ACSBG2: variants seen among roughly 807,000 people sequenced by gnomAD.
The protein encoded by ACSBG2 is acyl-CoA synthetase bubblegum family member 2, also known as long-chain-fatty-acid--CoA ligase ACSBG2.
In ACSBG2, 62 loss-of-function variants were observed where a neutral mutation model predicts 74.7. The observed-to-expected ratio is 0.83, with a 90% CI of 0.68 to 1.03. ACSBG2 has a LOEUF of 1.03. Among genes scored for constraint, ACSBG2 ranks in the 50% least tolerant of loss-of-function variants. The pLI, the probability that ACSBG2 is intolerant of heterozygous loss-of-function variation, is 0.00. For missense variants in ACSBG2, 730 were observed against 817.6 expected (o/e 0.89, Z 1.31); for synonymous variants, 309 against 294.1 (o/e 1.05, Z -0.52).
chr19:6,163,120 CAAA>C (rs1387534144), intron 6 of ACSBG2, among the ~76,000 whole-genome samples: 2 of 105,698 alleles, frequency 1.9e-5, no homozygotes, highest in East Asian at 2.5e-4. Context: ...ACTAAAAATA[CAAA>C]TAATAATAAT....
At chr19:6,158,400 A>G (rs1260485704) in intron 5 of ACSBG2, among the ~76,000 whole-genome samples, 1 of 145,610 alleles carries the variant, frequency 6.9e-6, no homozygotes, top group Non-Finnish European at 1.5e-5. Context: ...TTATCCAGTG[A>G]GTTTTATTTG....
rs773619641 is a variant in ACSBG2 at position 6,182,828 on chromosome 19, T to C, written c.984T>C (p.His328=). 3.1e-6 allele frequency: 5 copies of C among 1,614,006 alleles called. No individual in the cohort carries two copies. The highest frequency in any genetic ancestry group is 4.2e-6 in the Non-Finnish European group (5 of 1,180,034). ...TGCCTCAAATTTGGGAGAAGATACA[T>C]GAGATGGTGAAGAAAAATAGTGCCA... ...IGVPQIWEKI[H]EMVKKNSAKS... The change falls in exon 9 of 15, where the codon CAT becomes CAC. Residue 328 remains histidine (H), a synonymous_variant. Coordinates refer to ENST00000588485, the MANE Select transcript of ACSBG2 (RefSeq NM_030924.5).
At chr19:6,141,667 C>G in intron 2 of ACSBG2, 57 bp downstream of exon 2, 3 of 1,165,382 alleles carry the variant, frequency 2.6e-6, no homozygotes, top group Non-Finnish European at 3.9e-6. Context: ...TCCACAAAGG[C>G]TCTTTGCAGA....
intron 6 of ACSBG2, among the ~76,000 whole-genome samples, chr19:6,162,433 G>C (rs1328309046): frequency 1.3e-5 from 2 of 151,390 alleles, no homozygotes; most frequent in Non-Finnish European, 1.5e-5. Context: ...CAGGCGTGGT[G>C]GTGGGCGCCT....
Position 6,180,359 on chromosome 19 carries a change from T to C in ACSBG2, c.907-2392T>C, listed in dbSNP as rs77389665. ...ACGTGCTTCTAGAAGGTTCTTTCTC[T>C]TGTTCTTTGCAGGGCTGACTCTTCT... On this transcript the variant is annotated intron_variant, in intron 8 of 14. Coordinates refer to ENST00000588485, the MANE Select transcript of ACSBG2 (RefSeq NM_030924.5). This position sits in a 1 kb window ranked among gnomAD's most constrained non-coding sequence, Gnocchi z 4.3. Among the ~76,000 whole-genome samples, 725 of 152,316 alleles carry C rather than the reference T, an allele frequency of 4.8e-3. 3 individuals carry two copies. The highest frequency in any genetic ancestry group is 0.016 in the African/African-American group (674 of 41,566).
intron 6 of ACSBG2, among the ~76,000 whole-genome samples, chr19:6,164,876 G>C (rs1481405690): frequency 6.6e-6 from 1 of 152,200 alleles, no homozygotes; most frequent in East Asian, 1.9e-4. Flanking sequence ...TCATAGTTAA[G>C]AGCACAGGCT....
rs555447269 is a variant in ACSBG2, at chr19:6,161,247, G to A, written c.540G>A (p.Ala180=). The A allele has an allele frequency of 5.9e-5, 95 of 1,613,192 alleles. No homozygotes were observed. Among genetic ancestry groups the A allele is most frequent in the Middle Eastern group, 5.0e-4 (3 of 6,058 alleles). ...AGAGCAGCCTAGAGCCCCTAAAAGCGATCATCCAGTACAGACTGCCAATGA... is the reference window on the plus strand; with the variant it reads ...AGAGCAGCCTAGAGCCCCTAAAAGCAATCATCCAGTACAGACTGCCAATGA... The part of the protein sequence containing the change: ...IPQSSLEPLK[A]IIQYRLPMKK... The change falls in exon 6 of 15, where the codon GCG becomes GCA. Residue 180 remains alanine, a synonymous_variant. Coordinates refer to ENST00000588485, the MANE Select transcript of ACSBG2 (RefSeq NM_030924.5).
intron 8 of ACSBG2, among the ~76,000 whole-genome samples, chr19:6,178,373 CATTATT>C (rs112104021): frequency 1.3e-5 from 2 of 151,026 alleles, no homozygotes; most frequent in East Asian, 1.9e-4. Flanking sequence ...ATATTCATTG[CATTATT>C]ATTATTATTA....
rs563403463 is a variant in ACSBG2 at position 6,172,360 on chromosome 19, A to AT, written c.739-4863dup. On this transcript the variant is annotated intron_variant, in intron 7 of 14. Transcript: ENST00000588485. ...TCTATTGTTTGGATGGGGCTTTTGT[A>AT]TTTTTTAATTCTAGTTTCCCTTGAG... Among the ~76,000 whole-genome samples the AT allele has an allele frequency of 1.5e-3, 226 of 152,034 alleles. 1 individual carries two copies. The highest frequency in any genetic ancestry group is 1.8e-3 in the Non-Finnish European group (124 of 67,974).
At chr19:6,165,406 C>A (rs2089761988) in intron 6 of ACSBG2, among the ~76,000 whole-genome samples, 1 of 152,122 alleles carries the variant, frequency 6.6e-6, no homozygotes, top group Non-Finnish European at 1.5e-5. Flanking sequence ...CAGTTTGAGC[C>A]AATTAGGGTT....
intron 6 of ACSBG2, among the ~76,000 whole-genome samples, chr19:6,164,385 T>C (rs1216488847): frequency 6.6e-6 from 1 of 151,704 alleles, no homozygotes; most frequent in Non-Finnish European, 1.5e-5. Context: ...AGCATCACCC[T>C]GGGCAGGTTT....
chr19:6,156,140 G>C (rs1296085538), intron 4 of ACSBG2, among the ~76,000 whole-genome samples: 2 of 152,106 alleles, frequency 1.3e-5, no homozygotes, highest in Non-Finnish European at 2.9e-5. Flanking sequence ...CCTACTTGCT[G>C]TGTAATCTTG....
intron 10 of ACSBG2, 136 bp from the exon 11 acceptor site, chr19:6,185,300 C>T: frequency 2.5e-6 from 2 of 814,958 alleles, no homozygotes; most frequent in Non-Finnish European, 4.1e-6. Flanking sequence ...CAAACACCTC[C>T]TTCTGTGCGC....
chr19:6,177,852 T>C (rs1203793346), intron 8 of ACSBG2, among the ~76,000 whole-genome samples: 1 of 150,532 alleles, frequency 6.6e-6, no homozygotes, highest in Admixed American at 6.7e-5. Context: ...AAGACAAAGA[T>C]GTACTTGGTA....
At chr19:6,166,188 G>A (rs1157608009) in intron 7 of ACSBG2, among the ~76,000 whole-genome samples, 173 bp downstream of exon 7, 1 of 152,002 alleles carries the variant, frequency 6.6e-6, no homozygotes, top group African/African-American at 2.4e-5. Context: ...CAGTGATTGA[G>A]ATCAAGGAAT....
intron 4 of ACSBG2, 84 bp from the exon 5 acceptor site, chr19:6,156,347 A>G: frequency 6.9e-7 from 1 of 1,450,028 alleles, no homozygotes; most frequent in South Asian, 1.5e-5. Flanking sequence ...TTGCCTGCAA[A>G]CCTTTCCTCT....
chr19:6,187,129 C>G (rs754975387), intron 11 of ACSBG2, among the ~76,000 whole-genome samples, 154 bp from the exon 12 acceptor site: 5 of 151,754 alleles, frequency 3.3e-5, no homozygotes, highest in Non-Finnish European at 7.4e-5. Flanking sequence ...CTCAACCTCC[C>G]GAGTAGCTGG....
intron 7 of ACSBG2, among the ~76,000 whole-genome samples, chr19:6,171,533 A>T (rs1463067656): frequency 6.6e-6 from 1 of 152,196 alleles, no homozygotes; most frequent in Non-Finnish European, 1.5e-5. Context: ...AAGGCTAAAA[A>T]TGGGCCCTCA....
At chr19:6,181,044 TA>T (rs113174172) in intron 8 of ACSBG2, among the ~76,000 whole-genome samples, 10,434 of 99,974 alleles carry the variant, frequency 0.1, 753 homozygotes, top group African/African-American at 0.24. Flanking sequence ...CCGTCTCTAC[TA>T]AAAAAAAAAA....
Sources: allele counts gnomAD v4.1 joint callset (sites outside exome capture counted in the v4.1 genomes callset), GRCh38; gene constraint gnomAD v4.1.1; non-coding constraint Gnocchi (gnomAD v3.1); transcripts MANE v1.5; gene names NCBI Gene and HGNC (gene_info 2026-07-23, HGNC 2026-07-21).